Variants in KCND3 observed in about 807,000 individuals in gnomAD.
KCND3 encodes potassium voltage-gated channel subfamily D member 3.
KCND3 carries 9 observed loss-of-function variants against 51.1 expected under a neutral mutation model. The ratio of observed to expected loss-of-function variants is 0.18; its 90% CI spans 0.11 to 0.31. KCND3 has a LOEUF of 0.31. Among genes scored for constraint, KCND3 ranks in the 10% least tolerant of loss-of-function variants. The pLI is 1.00. For missense variants in KCND3, 526 were observed against 903.8 expected, an observed-to-expected ratio of 0.58 and a Z score of 5.36; for synonymous variants, 349 against 368.0, an observed-to-expected ratio of 0.95 and a Z score of 0.59.
rs968133303 is a variant in KCND3 at position 111,976,455 on chromosome 1, G to A, written c.1106+5166C>T. On this transcript the variant is annotated intron_variant, in intron 2 of 7. Coordinates refer to ENST00000302127, the MANE Select transcript of KCND3 (RefSeq NM_001378969.1). Reference sequence around the variant, plus strand: ...ACATTCATCGGTTCTCATATCGCCAGAAGATGGTTATCAAATGAGAAAACT... The same window carrying A: ...ACATTCATCGGTTCTCATATCGCCAAAAGATGGTTATCAAATGAGAAAACT... Among the ~76,000 whole-genome samples, 6 of 152,356 alleles carry A rather than the reference G, an allele frequency of 3.9e-5. No homozygotes were observed. The East Asian group carries it at 1.2e-3, about 29-fold the overall frequency.
intron 2 of KCND3, among the ~76,000 whole-genome samples, chr1:111,979,442 T>C (rs934436980): frequency 6.6e-6 from 1 of 152,234 alleles, no homozygotes; most frequent in African/African-American, 2.4e-5. Flanking sequence ...TGGCATATAG[T>C]ACTCATTGGG....
At chr1:111,836,373 C>A (rs1421281593) in intron 2 of KCND3, among the ~76,000 whole-genome samples, 6 of 152,200 alleles carry the variant, frequency 3.9e-5, no homozygotes, top group Non-Finnish European at 7.3e-5. Context: ...GCACTCCCTC[C>A]CAGTAATCTG....
At chr1:111,943,283 C>T (rs1329675566) in intron 2 of KCND3, among the ~76,000 whole-genome samples, 2 of 152,202 alleles carry the variant, frequency 1.3e-5, no homozygotes, top group African/African-American at 2.4e-5. Flanking sequence ...GGGGCCCTGG[C>T]CCCCACCTGT....
intron 2 of KCND3, among the ~76,000 whole-genome samples, chr1:111,885,248 T>C (rs1164841965): frequency 6.6e-6 from 1 of 152,172 alleles, no homozygotes; most frequent in Non-Finnish European, 1.5e-5. Context: ...CGCATGCTGA[T>C]TTATGACGGG....
intron 2 of KCND3, among the ~76,000 whole-genome samples, chr1:111,957,085 A>G (rs1673380205): frequency 6.6e-6 from 1 of 152,134 alleles, no homozygotes; most frequent in South Asian, 2.1e-4. Context: ...TCTCAAACAA[A>G]ACACATTAAT....
At chr1:111,957,900 A>C (rs1246252201) in intron 2 of KCND3, among the ~76,000 whole-genome samples, 1 of 152,216 alleles carries the variant, frequency 6.6e-6, no homozygotes, top group Non-Finnish European at 1.5e-5. Flanking sequence ...TTTACAAAAT[A>C]AGTTTGTTAA....
At chr1:111,874,817 C>A (rs1571777937) in intron 2 of KCND3, among the ~76,000 whole-genome samples, 1 of 152,152 alleles carries the variant, frequency 6.6e-6, no homozygotes, top group East Asian at 1.9e-4. Context: ...TGGATACAAA[C>A]AACGTCTCAC....
At chr1:111,801,540 T>C (rs188309043) in intron 2 of KCND3, among the ~76,000 whole-genome samples, 5 of 152,262 alleles carry the variant, frequency 3.3e-5, no homozygotes, top group African/African-American at 1.2e-4. Flanking sequence ...GAGGTAGAAG[T>C]AGGCAAGAGG....
At chr1:111,871,130 G>T (rs758078756) in intron 2 of KCND3, among the ~76,000 whole-genome samples, 3 of 152,194 alleles carry the variant, frequency 2.0e-5, no homozygotes, top group Admixed American at 6.5e-5. Flanking sequence ...TGAAGAGAAG[G>T]AATGGGAGGT....
chr1:111,876,062 C>T (rs1274946432), intron 2 of KCND3, among the ~76,000 whole-genome samples: 10 of 152,164 alleles, frequency 6.6e-5, no homozygotes, highest in Non-Finnish European at 1.2e-4. Context: ...AAATCCACTA[C>T]TCAACTCGCA....
Position 111,915,968 on chromosome 1 carries a change from C to A in KCND3, c.1106+65653G>T, listed in dbSNP as rs1354875684. Among the ~76,000 whole-genome samples the A allele has an allele frequency of 6.1e-4, 92 of 151,932 alleles. 1 individual carries two copies. Among genetic ancestry groups the A allele is most frequent in the Admixed American group, 5.6e-3 (86 of 15,282 alleles). On this transcript the variant is annotated intron_variant, in intron 2 of 7. Transcript: ENST00000302127. ...AAGAAAGGAGAAATAGACAAAACCACACCTATAGTTGAAAATTTAAGCATT... is the reference window on the plus strand; with the variant it reads ...AAGAAAGGAGAAATAGACAAAACCAAACCTATAGTTGAAAATTTAAGCATT...
At chr1:111,936,851 G>A (rs770559739) in intron 2 of KCND3, among the ~76,000 whole-genome samples, 1 of 152,208 alleles carries the variant, frequency 6.6e-6, no homozygotes, top group Non-Finnish European at 1.5e-5. Context: ...TCTGTTCACT[G>A]CATCTCCAGT....
At chr1:111,876,961 G>T (rs543036778) in intron 2 of KCND3, among the ~76,000 whole-genome samples, 2 of 152,318 alleles carry the variant, frequency 1.3e-5, no homozygotes, top group South Asian at 2.1e-4. Context: ...TCCACATCTG[G>T]ATGGACTGAT....
chr1:111,920,850 A>G (rs540927909), intron 2 of KCND3, among the ~76,000 whole-genome samples: 57 of 152,350 alleles, frequency 3.7e-4, no homozygotes, highest in African/African-American at 1.3e-3. Flanking sequence ...TTCTGGGGAT[A>G]GGCCACTGTC....
rs909626435 is a variant in KCND3 at position 111,989,536 on chromosome 1, G to C, written c.-104C>G. On this transcript the variant is annotated 5_prime_UTR_variant, in exon 1 of 8. Coordinates refer to ENST00000302127, the MANE Select transcript of KCND3 (RefSeq NM_001378969.1). ...CGAAGCCAGCCCGGGCCCCGCGCCC[G>C]GCGCCCCGCGCGCGCGAGGAAGCTG... 5.3e-5 allele frequency among the ~76,000 whole-genome samples: 8 copies of C among 150,296 alleles called. No homozygotes were observed. The highest frequency in any genetic ancestry group is 2.6e-4 in the Admixed American group (4 of 15,102).
At chr1:111,964,721 T>C (rs1571912615) in intron 2 of KCND3, among the ~76,000 whole-genome samples, 1 of 152,300 alleles carries the variant, frequency 6.6e-6, no homozygotes, top group East Asian at 1.9e-4. Flanking sequence ...AACAGAACTA[T>C]TTCCTTTGCA....
chr1:111,902,508 A>G (rs1424132793), intron 2 of KCND3, among the ~76,000 whole-genome samples: 1 of 152,210 alleles, frequency 6.6e-6, no homozygotes, highest in Non-Finnish European at 1.5e-5. Flanking sequence ...TGTGGAGCCA[A>G]CTTGATTCTA....
intron 2 of KCND3, among the ~76,000 whole-genome samples, chr1:111,825,177 C>T (rs919042542): frequency 6.6e-6 from 1 of 152,172 alleles, no homozygotes; most frequent in Non-Finnish European, 1.5e-5. Context: ...CATTCTGAGC[C>T]CACCAGTGAT....
chr1:111,929,290 A>C (rs915413682), intron 2 of KCND3, among the ~76,000 whole-genome samples: 3 of 152,114 alleles, frequency 2.0e-5, no homozygotes, highest in Non-Finnish European at 4.4e-5. Context: ...TCTATTGAGC[A>C]CCACTGGCTG....
Sources: allele counts gnomAD v4.1 joint callset (sites outside exome capture counted in the v4.1 genomes callset), GRCh38; gene constraint gnomAD v4.1.1; transcripts MANE v1.5; gene names NCBI Gene and HGNC (gene_info 2026-07-23, HGNC 2026-07-21).